The following TENM1 variants were observed in gnomAD, a reference collection of about 807,000 sequenced individuals.
The protein encoded by TENM1 is teneurin transmembrane protein 1.
Under a neutral mutation model 174.8 loss-of-function variants are expected in TENM1, and 35 were observed. That is an observed-to-expected ratio of 0.20 (90% CI 0.15 to 0.27). TENM1 has a LOEUF of 0.27. TENM1 is among the 10% of genes least tolerant of loss of function. The pLI, the probability that TENM1 is intolerant of heterozygous loss-of-function variation, is 1.00. For synonymous variants in TENM1, 781 were observed against 798.7 expected (o/e 0.98, Z 0.37); for missense variants, 1,633 against 2,130.1 (o/e 0.77, Z 4.59).
At chrX:125,087,373 A>G in the TENM1 span, among the ~76,000 whole-genome samples, 3 of 111,554 alleles carry the variant, frequency 2.7e-5, no homozygotes, top group East Asian at 8.4e-4. Flanking sequence ...AATCTATGAA[A>G]ATCATTGGTC....
At chrX:124,668,365 T>C (rs950619934) in intron 6 of TENM1, among the ~76,000 whole-genome samples, 1 of 111,628 alleles carries the variant, frequency 9.0e-6, no homozygotes, top group Non-Finnish European at 1.9e-5. Context: ...ACCCAAAGGA[T>C]TATAAATCAT....
intron 20 of TENM1, among the ~76,000 whole-genome samples, chrX:124,496,532 C>A (rs2047205880): frequency 9.0e-6 from 1 of 111,679 alleles, no homozygotes; most frequent in Non-Finnish European, 1.9e-5. Context: ...GGTAAAGAAC[C>A]ATTTCTCCCT....
At chrX:124,753,171 T>TGG (rs1432388879) in intron 3 of TENM1, among the ~76,000 whole-genome samples, 1 of 109,710 alleles carries the variant, frequency 9.1e-6, no homozygotes, top group Admixed American at 9.6e-5. Flanking sequence ...CATTGAGCAG[T>TGG]GGTTTGTAGT....
At chrX:125,200,643 GT>G in the TENM1 span, among the ~76,000 whole-genome samples, 1 of 63,082 alleles carries the variant, frequency 1.6e-5, no homozygotes, top group African/African-American at 7.9e-5. Flanking sequence ...GTGTGTGTGT[GT>G]GTGTGTGTGT....
At chrX:124,943,201 T>A (rs746386388) in intron 1 of TENM1, among the ~76,000 whole-genome samples, 1 of 111,062 alleles carries the variant, frequency 9.0e-6, no homozygotes, top group African/African-American at 3.3e-5. Flanking sequence ...AAAGCATGAG[T>A]TTTGACCCAG....
the TENM1 span, among the ~76,000 whole-genome samples, chrX:125,080,613 C>G: frequency 9.0e-6 from 1 of 111,087 alleles, no homozygotes; most frequent in Non-Finnish European, 1.9e-5. Context: ...AATATAAAAT[C>G]ATATATTCCT....
At chrX:125,178,682 G>A in the TENM1 span, among the ~76,000 whole-genome samples, 1 of 111,585 alleles carries the variant, frequency 9.0e-6, no homozygotes, top group East Asian at 2.8e-4. Flanking sequence ...TAGGTCACAC[G>A]GGTGTTCAAG....
At chrX:124,756,537 C>T (rs1463170897) in intron 3 of TENM1, among the ~76,000 whole-genome samples, 2 of 112,040 alleles carry the variant, frequency 1.8e-5, no homozygotes, top group African/African-American at 3.3e-5. Context: ...TGGTGAGGAA[C>T]TGCGTTCCTT....
At chrX:124,745,555 T>C (rs1415884892) in intron 3 of TENM1, among the ~76,000 whole-genome samples, 2 of 111,263 alleles carry the variant, frequency 1.8e-5, no homozygotes, top group Non-Finnish European at 3.8e-5. Flanking sequence ...ATAGTGCCAC[T>C]CTCACTGAGT....
At chrX:125,073,458 A>T in the TENM1 span, among the ~76,000 whole-genome samples, 1 of 111,726 alleles carries the variant, frequency 9.0e-6, no homozygotes, top group African/African-American at 3.3e-5. Context: ...ATGATAGCAT[A>T]GTTTTTAAAA....
At chrX:124,569,882 TAATAC>T (rs2049020589) in intron 11 of TENM1, among the ~76,000 whole-genome samples, 1 of 111,099 alleles carries the variant, frequency 9.0e-6, no homozygotes, top group Middle Eastern at 4.2e-3. Flanking sequence ...GAGCTGAAAC[TAATAC>T]AATAGGAATA....
intron 3 of TENM1, among the ~76,000 whole-genome samples, chrX:124,793,076 C>T (rs2055216307): frequency 8.9e-6 from 1 of 111,807 alleles, no homozygotes; most frequent in South Asian, 3.7e-4. Context: ...TTGTTCACCA[C>T]AATAGTATTA....
At chrX:124,838,866 C>T (rs777799190) in intron 3 of TENM1, among the ~76,000 whole-genome samples, 3 of 110,276 alleles carry the variant, frequency 2.7e-5, no homozygotes, top group South Asian at 7.7e-4. Context: ...TATGGATATA[C>T]GGAAATGAAT....
chrX:124,924,441 C>G (rs774677315), intron 1 of TENM1, among the ~76,000 whole-genome samples: 1 of 111,299 alleles, frequency 9.0e-6, no homozygotes, highest in South Asian at 3.8e-4. Flanking sequence ...TCCTTTATCT[C>G]TAACACCCTG....
At chrX:124,829,863 C>G (rs1025189194) in intron 3 of TENM1, among the ~76,000 whole-genome samples, 5 of 112,281 alleles carry the variant, frequency 4.5e-5, no homozygotes, top group Non-Finnish European at 5.6e-5. Flanking sequence ...CTATCTACGT[C>G]TACCCCATCC....
At chrX:124,977,121 T>C in the TENM1 span, among the ~76,000 whole-genome samples, 309 of 111,743 alleles carry the variant, frequency 2.8e-3, 1 homozygote, top group African/African-American at 9.4e-3. Flanking sequence ...CTGTATGCCA[T>C]TGGATAAATC....
intron 25 of TENM1, among the ~76,000 whole-genome samples, chrX:124,419,003 A>T (rs188597919): frequency 8.9e-6 from 1 of 111,893 alleles, no homozygotes; most frequent in East Asian, 2.8e-4. Flanking sequence ...CACCTATCCC[A>T]TGTTATTATG....
chrX:124,790,175 C>A (rs1019447128), intron 3 of TENM1, among the ~76,000 whole-genome samples: 1 of 111,483 alleles, frequency 9.0e-6, no homozygotes, highest in Non-Finnish European at 1.9e-5. Flanking sequence ...AAAGACCTGC[C>A]CCCATAATTC....
chrX:124,472,357 A>G (rs2061344067), intron 22 of TENM1, among the ~76,000 whole-genome samples: 1 of 78,152 alleles, frequency 1.3e-5, no homozygotes, highest in Non-Finnish European at 2.5e-5. Context: ...AAAAAAAAAA[A>G]GCGGCTGACT....
Sources: gnomAD v4.1 joint callset for allele counts (sites outside exome capture counted in the v4.1 genomes callset) on GRCh38, gnomAD v4.1.1 for gene constraint, MANE v1.5 for transcripts, NCBI Gene and HGNC (gene_info 2026-07-23, HGNC 2026-07-21) for gene names.